Variants in ESS2 observed in about 807,000 individuals in gnomAD.
The protein encoded by ESS2 is splicing factor ESS-2 homolog.
A neutral mutation model predicts 52.0 loss-of-function variants in ESS2; 31 were observed. The ratio of observed to expected loss-of-function variants is 0.60; its 90% CI spans 0.45 to 0.81. ESS2 has a LOEUF of 0.81. Ranked by LOEUF, ESS2 falls within the 30% of genes least tolerant of loss-of-function variation. The pLI, the probability that ESS2 is intolerant of heterozygous loss-of-function variation, is 0.00. For missense variants in ESS2, 602 were observed against 637.2 expected, an observed-to-expected ratio of 0.94 and a Z score of 0.59; for synonymous variants, 285 against 259.2, an observed-to-expected ratio of 1.10 and a Z score of -0.95.
At chr22:19,143,522 G>A (rs1002812089) in intron 1 of ESS2, among the ~76,000 whole-genome samples, 1 of 152,204 alleles carries the variant, frequency 6.6e-6, no homozygotes, top group South Asian at 2.1e-4. Flanking sequence ...TGTGGGTGTT[G>A]TCACTTTCAT....
intron 6 of ESS2, 35 bp downstream of exon 6, chr22:19,139,124 C>G: frequency 6.4e-7 from 1 of 1,556,292 alleles, no homozygotes; most frequent in African/African-American, 1.4e-5. Flanking sequence ...CCTGTCCAAC[C>G]TGGCCCATGC....
Position 19,132,585 on chromosome 22 carries a change from G to T in ESS2, c.*1611C>A, listed in dbSNP as rs2083521742. On this transcript the variant is annotated 3_prime_UTR_variant, in exon 10 of 10. Coordinates refer to ENST00000252137, the MANE Select transcript of ESS2 (RefSeq NM_022719.3). This position sits in a 1 kb window ranked among gnomAD's most constrained non-coding sequence, Gnocchi z 4.2. Reference sequence around the variant, plus strand: ...GGTAGGATCTGAAGAAGGCACAGGTGCAAGTAAAATTCGTCAATTAAACCA... The same window carrying T: ...GGTAGGATCTGAAGAAGGCACAGGTTCAAGTAAAATTCGTCAATTAAACCA... The T allele has an allele frequency of 8.6e-7, 1 of 1,157,258 alleles. No individual in the cohort carries two copies. The highest frequency in any genetic ancestry group is 2.4e-5 in the East Asian group (1 of 42,146). 71.7% of individuals were successfully genotyped at this position (1,157,258 alleles called of 1,614,324 possible).
rs981650897 is a variant in ESS2, at chr22:19,132,622, A to G, written c.*1574T>C. On this transcript the variant is annotated 3_prime_UTR_variant, in exon 10 of 10. Transcript: ENST00000252137. This position sits in a 1 kb window ranked among gnomAD's most constrained non-coding sequence, Gnocchi z 4.2. Reference sequence around the variant, plus strand: ...CGTCAATTAAACCACTATTTTGATTACGTTCCATTAGCTTTCTTCCACTTA... The same window carrying G: ...CGTCAATTAAACCACTATTTTGATTGCGTTCCATTAGCTTTCTTCCACTTA... 5.1e-6 allele frequency: 4 copies of G among 788,048 alleles called. No individual in the cohort carries two copies. Among genetic ancestry groups the G allele is most frequent in the Non-Finnish European group, 8.3e-6 (4 of 479,970 alleles). The allele number at this position is 788,048 out of a possible 1,614,324, so 48.8% of individuals were successfully genotyped here. A position where few individuals can be genotyped will look rare whatever the true frequency, so the allele number is the denominator to read the frequency against.
rs375111392 is a variant in ESS2, at chr22:19,135,040, C to T, written c.1151+20G>A. 1.1e-3 allele frequency: 1,811 copies of T among 1,608,790 alleles called. 28 individuals are homozygous for T. In the South Asian group the frequency reaches 0.019, roughly 17 times the overall value. On this transcript the variant is annotated intron_variant, in intron 9 of 9. Transcript: ENST00000252137. ...CCAGAGCCACCCTCGCACTTCCCCA[C>T]CAGCCAGGCGGCCCCTCACCTGGCC...
chr22:19,139,122 A>C (rs757563712), intron 6 of ESS2, 37 bp downstream of exon 6: 1 of 1,554,942 alleles, frequency 6.4e-7, no homozygotes. Flanking sequence ...GCCCTGTCCA[A>C]CCTGGCCCAT....
At chr22:19,138,656 A>G (rs2083628547) in intron 6 of ESS2, among the ~76,000 whole-genome samples, 1 of 151,636 alleles carries the variant, frequency 6.6e-6, no homozygotes, top group African/African-American at 2.4e-5. Context: ...ATGACAGGCA[A>G]TGCTGATGAC....
chr22:19,132,775 C>T lies in ESS2; in HGVS notation c.*1421G>A, dbSNP rs1329994876. The T allele has an allele frequency of 1.3e-5, 5 of 391,538 alleles. No individual in the cohort carries two copies. Among genetic ancestry groups the T allele is most frequent in the East Asian group, 5.7e-5 (1 of 17,606 alleles). The allele number at this position is 391,538 out of a possible 1,614,324, so 24.3% of individuals were successfully genotyped here. A position where few individuals can be genotyped will look rare whatever the true frequency, so the allele number is the denominator to read the frequency against. ...GCCCCACCTGACACACAGTGGTCTC[C>T]GGCCTAGGAGCACAGGACAGATGCT... On this transcript the variant is annotated 3_prime_UTR_variant, in exon 10 of 10. Coordinates refer to ENST00000252137, the MANE Select transcript of ESS2 (RefSeq NM_022719.3). The surrounding 1 kb of genome is among the most constrained non-coding windows in gnomAD (Gnocchi z 4.2).
At position 19,139,392 on chromosome 22, in the gene ESS2, A is replaced by G. The variant is rs146146383; in HGVS notation, c.689-100T>C. 165 of 1,484,746 alleles carry G rather than the reference A, an allele frequency of 1.1e-4. 1 individual carries two copies. The African/African-American group carries it at 2.0e-3, about 18-fold the overall frequency. The allele number at this position is 1,484,746 out of a possible 1,614,324, so 92.0% of individuals were successfully genotyped here. A position where few individuals can be genotyped will look rare whatever the true frequency, so the allele number is the denominator to read the frequency against. On this transcript the variant is annotated intron_variant, in intron 5 of 9. Coordinates refer to ENST00000252137, the MANE Select transcript of ESS2 (RefSeq NM_022719.3). ...GGCCAAGTCACTCCCAGATGAACAA[A>G]AGCATTGAGCAGAACGCAGGCCCCA...
At chr22:19,141,073 G>A (rs896599268) in intron 3 of ESS2, among the ~76,000 whole-genome samples, 1 of 148,716 alleles carries the variant, frequency 6.7e-6, no homozygotes, top group African/African-American at 2.5e-5. Flanking sequence ...CTTGAGCTCA[G>A]AAGTTTAAAA....
chr22:19,142,738 G>T lies in ESS2; in HGVS notation c.292C>A (p.Pro98Thr), dbSNP rs761214188. ...AGGGTCCTCATACAGGGTGGCGGGG[G>T]CTCCCGGGACATCTTGCCCAAGGCA... ...GSALGKMSRE[P>T]PPPYVTPATF... The change falls in exon 2 of 10, where the codon CCC becomes ACC. Residue 98 changes from proline to threonine, a missense_variant. Pro to Thr is a conservative substitution (Grantham distance 38). Coordinates refer to ENST00000252137, the MANE Select transcript of ESS2 (RefSeq NM_022719.3). 3.7e-6 allele frequency: 6 copies of T among 1,613,680 alleles called. No individual in the cohort carries two copies. The highest frequency in any genetic ancestry group is 1.1e-5 in the South Asian group (1 of 91,068).
At chr22:19,137,518 C>T in intron 7 of ESS2, 86 bp from the exon 8 acceptor site, 1 of 1,095,104 alleles carries the variant, frequency 9.1e-7, no homozygotes, top group Admixed American at 2.2e-5. Context: ...ACCCAATGTG[C>T]ATCCCAGCTA....
Position 19,131,426 on chromosome 22 carries a change from G to T in ESS2, c.*2770C>A. Reference sequence around the variant, plus strand: ...TGGACGATGCCACAGTCCTAAGGAAGAAGGGTTACATCGTAGGCATCAATC... The same window carrying T: ...TGGACGATGCCACAGTCCTAAGGAATAAGGGTTACATCGTAGGCATCAATC... On this transcript the variant is annotated 3_prime_UTR_variant, in exon 10 of 10. Transcript: ENST00000252137. This position sits in a 1 kb window ranked among gnomAD's most constrained non-coding sequence, Gnocchi z 5.7. The T allele has an allele frequency of 6.2e-7, 1 of 1,611,920 alleles. No individual in the cohort carries two copies. Among genetic ancestry groups the T allele is most frequent in the South Asian group, 1.1e-5 (1 of 90,846 alleles).
At chr22:19,134,567 G>A in intron 9 of ESS2, 92 bp from the exon 10 acceptor site, 1 of 1,334,692 alleles carries the variant, frequency 7.5e-7, no homozygotes, top group Admixed American at 2.7e-5. Flanking sequence ...AAGAGCCTGG[G>A]CAGAGACACA....
intron 1 of ESS2, 71 bp from the exon 2 acceptor site, chr22:19,142,965 G>T: frequency 7.1e-7 from 1 of 1,417,116 alleles, no homozygotes; most frequent in South Asian, 1.3e-5. Flanking sequence ...CCAACACTTT[G>T]GGAGGCCAAG....
intron 9 of ESS2, among the ~76,000 whole-genome samples, chr22:19,134,754 A>G (rs117382072): frequency 0.014 from 2,090 of 152,242 alleles, 38 homozygotes; most frequent in South Asian, 0.058. Context: ...CCCCTCTCCA[A>G]GGGGAACGAT....
chr22:19,132,974 C>T lies in ESS2; in HGVS notation c.*1222G>A, dbSNP rs1302766103. ...TCCCCCTGGCTTCCTGCAGTTCAGC[C>T]CCCTCTGACCTACCCCCACTCCCTC... On this transcript the variant is annotated 3_prime_UTR_variant, in exon 10 of 10. Transcript: ENST00000252137. The surrounding 1 kb of genome is among the most constrained non-coding windows in gnomAD (Gnocchi z 4.2). The T allele has an allele frequency of 6.3e-6, 1 of 158,416 alleles. No individual in the cohort carries two copies. Among genetic ancestry groups the T allele is most frequent in the Non-Finnish European group, 1.4e-5 (1 of 71,770 alleles). The allele number at this position is 158,416 out of a possible 1,614,324, so 9.8% of individuals were successfully genotyped here. A position where few individuals can be genotyped will look rare whatever the true frequency, so the allele number is the denominator to read the frequency against.
rs1264686682 is a variant in ESS2, at chr22:19,139,919, A to G, written c.506T>C (p.Val169Ala). 17 of 1,613,566 alleles carry G rather than the reference A, an allele frequency of 1.1e-5. No homozygotes were observed. The highest frequency in any genetic ancestry group is 1.4e-5 in the Non-Finnish European group (17 of 1,179,930). ...DNASFQEIME[V>A]AKERSRARHA... ...GCGTGCCCGGCTTCTCTCCTTGGCC[A>G]CCTCCATGATCTCCTGGAAGGAGGC... The change falls in exon 4 of 10, where the codon GTG becomes GCG. Residue 169 changes from valine (V) to alanine (A), a missense_variant. Coordinates refer to ENST00000252137, the MANE Select transcript of ESS2 (RefSeq NM_022719.3).
rs2083708994 is a variant in ESS2, at chr22:19,142,649, G to A, written c.305-16C>T. The A allele has an allele frequency of 6.2e-7, 1 of 1,611,102 alleles. No homozygotes were observed. The highest frequency in any genetic ancestry group is 1.3e-5 in the African/African-American group (1 of 74,940). On this transcript the variant is annotated splice_polypyrimidine_tract_variant and intron_variant, in intron 2 of 9. Transcript: ENST00000252137. ...GGAGTCACATCTAGGGGAAGAGAGGGGGATAAGAATTAGAGTGAGCCTGAA... is the reference window on the plus strand; with the variant it reads ...GGAGTCACATCTAGGGGAAGAGAGGAGGATAAGAATTAGAGTGAGCCTGAA...
Position 19,131,294 on chromosome 22 carries a change from A to G in ESS2, c.*2902T>C. 2.0e-6 allele frequency: 2 copies of G among 997,088 alleles called. No homozygotes were observed. Among genetic ancestry groups the G allele is most frequent in the Non-Finnish European group, 3.0e-6 (2 of 664,982 alleles). The allele number at this position is 997,088 out of a possible 1,614,324, so 61.8% of individuals were successfully genotyped here. A position where few individuals can be genotyped will look rare whatever the true frequency, so the allele number is the denominator to read the frequency against. ...CCACCCCTGAGTCGAAGCCCAGCCC[A>G]GGGCAGCCCAGCCAGACGCCTCCGG... is the stretch of plus-strand genomic sequence containing the variant. On this transcript the variant is annotated 3_prime_UTR_variant, in exon 10 of 10. Coordinates refer to ENST00000252137, the MANE Select transcript of ESS2 (RefSeq NM_022719.3). The surrounding 1 kb of genome is among the most constrained non-coding windows in gnomAD (Gnocchi z 5.7).
Sources: allele counts gnomAD v4.1 joint callset (sites outside exome capture counted in the v4.1 genomes callset), GRCh38; gene constraint gnomAD v4.1.1; non-coding constraint Gnocchi (gnomAD v3.1); transcripts MANE v1.5; gene names NCBI Gene and HGNC (gene_info 2026-07-23, HGNC 2026-07-21).